The following TOMM34 variants were observed in gnomAD, a reference collection of about 807,000 sequenced individuals.
TOMM34 encodes mitochondrial import receptor subunit TOM34.
A neutral mutation model predicts 37.4 loss-of-function variants in TOMM34; 24 were observed. That is an observed-to-expected ratio of 0.64 (90% confidence interval 0.46 to 0.90). TOMM34 has a LOEUF of 0.90. TOMM34 is among the 40% of genes least tolerant of loss of function. The pLI is 0.00. For synonymous variants in TOMM34, 154 were observed against 148.9 expected (o/e 1.03, Z -0.25); for missense variants, 304 against 375.6 (o/e 0.81, Z 1.58).
chr20:44,954,520 A>G (rs773609706), intron 3 of TOMM34, among the ~76,000 whole-genome samples: 4 of 152,246 alleles, frequency 2.6e-5, no homozygotes, highest in Non-Finnish European at 4.4e-5. Flanking sequence ...CCGCACACGC[A>G]GAGGGGAAAC....
At chr20:44,957,451 G>A (rs2067083835) in intron 1 of TOMM34, among the ~76,000 whole-genome samples, 1 of 152,152 alleles carries the variant, frequency 6.6e-6, no homozygotes, top group Non-Finnish European at 1.5e-5. Context: ...TGGGATTACA[G>A]ACGTGAGCCA....
Position 44,960,376 on chromosome 20 carries a change from C to T in TOMM34, c.-43G>A, listed in dbSNP as rs971797674. 1.3e-6 allele frequency: 2 copies of T among 1,505,758 alleles called. No individual in the cohort carries two copies. The highest frequency in any genetic ancestry group is 1.8e-6 in the Non-Finnish European group (2 of 1,122,498). The allele number at this position is 1,505,758 out of a possible 1,614,324, so 93.3% of individuals were successfully genotyped here. A position where few individuals can be genotyped will look rare whatever the true frequency, so the allele number is the denominator to read the frequency against. On this transcript the variant is annotated 5_prime_UTR_variant, in exon 1 of 7. Transcript: ENST00000372813. ...GAGTTGGGAGCTCCTTCCTTCCTCCCCCGTGTGGTGCGGCACACCTTCCGG... is the reference window on the plus strand; with the variant it reads ...GAGTTGGGAGCTCCTTCCTTCCTCCTCCGTGTGGTGCGGCACACCTTCCGG...
intron 4 of TOMM34, among the ~76,000 whole-genome samples, chr20:44,950,606 A>C (rs920696314): frequency 1.3e-5 from 2 of 152,232 alleles, no homozygotes; most frequent in Admixed American, 1.3e-4. Context: ...TGGTAGGTGC[A>C]CTGATTGAAA....
chr20:44,952,677 C>A, intron 3 of TOMM34: 1 of 717,398 alleles, frequency 1.4e-6, no homozygotes. Context: ...AGACCAAGTT[C>A]ATTCTGTCAA....
At chr20:44,953,353 C>T (rs1421016971) in intron 3 of TOMM34, among the ~76,000 whole-genome samples, 1 of 152,182 alleles carries the variant, frequency 6.6e-6, no homozygotes, top group Non-Finnish European at 1.5e-5. Context: ...CTCCTTGGAA[C>T]ACCTGACACT....
Position 44,956,493 on chromosome 20 carries a change from G to C in TOMM34, c.128-8C>G. 6.2e-7 allele frequency: 1 copy of C among 1,614,048 alleles called. No homozygotes were observed. Among genetic ancestry groups the C allele is most frequent in the Non-Finnish European group, 8.5e-7 (1 of 1,179,960 alleles). On this transcript the variant is annotated splice_region_variant and splice_polypyrimidine_tract_variant and intron_variant, in intron 1 of 6. Coordinates refer to ENST00000372813, the MANE Select transcript of TOMM34 (RefSeq NM_006809.5). ...CTTCTGGGTCTGAAGAACCTGCCCA[G>C]ATAGAGTGGGGAAGATGATCAGTTT...
At chr20:44,958,086 ATATATG>A (rs1419432647) in intron 1 of TOMM34, among the ~76,000 whole-genome samples, 2 of 149,422 alleles carry the variant, frequency 1.3e-5, no homozygotes, top group African/African-American at 5.1e-5. Context: ...ATATATATGT[ATATATG>A]TATATGTATA....
chr20:44,955,947 A>T (rs368732197), intron 2 of TOMM34, among the ~76,000 whole-genome samples: 5 of 152,316 alleles, frequency 3.3e-5, no homozygotes. Flanking sequence ...GTCCTCTAAA[A>T]CTGGTCATTC....
At chr20:44,953,399 C>T (rs2067043292) in intron 3 of TOMM34, among the ~76,000 whole-genome samples, 4 of 152,204 alleles carry the variant, frequency 2.6e-5, no homozygotes, top group Admixed American at 2.6e-4. Context: ...TACTCCTTCC[C>T]TTGGGACATC....
chr20:44,954,725 G>C (rs994662055), intron 3 of TOMM34, among the ~76,000 whole-genome samples: 1 of 152,128 alleles, frequency 6.6e-6, no homozygotes, highest in East Asian at 1.9e-4. Flanking sequence ...TAGCGTTAGC[G>C]CTTTGAAGGT....
Position 44,960,280 on chromosome 20 carries a change from C to T in TOMM34, c.54G>A (p.Glu18=). 1.3e-6 allele frequency: 2 copies of T among 1,581,932 alleles called. No homozygotes were observed. Among genetic ancestry groups the T allele is most frequent in the Non-Finnish European group, 8.6e-7 (1 of 1,164,860 alleles). Residue 18 remains glutamate (E), a synonymous_variant, in exon 1 of 7, where the codon GAG becomes GAA. Coordinates refer to ENST00000372813, the MANE Select transcript of TOMM34 (RefSeq NM_006809.5). ...CGGCGTACTGGCCGTTGCGGAAACT[C>T]TCATTGCCGGCGGCGCGGAGCTCCT... ...SVEELRAAGN[E]SFRNGQYAEA...
At chr20:44,951,491 G>A (rs2067025831) in intron 4 of TOMM34, among the ~76,000 whole-genome samples, 1 of 152,240 alleles carries the variant, frequency 6.6e-6, no homozygotes, top group African/African-American at 2.4e-5. Flanking sequence ...TTACCATGTT[G>A]AGCTTTCTGT....
chr20:44,945,136 T>C (rs1301610009), intron 5 of TOMM34, among the ~76,000 whole-genome samples: 5 of 152,224 alleles, frequency 3.3e-5, no homozygotes. Flanking sequence ...ACACCTCTTA[T>C]TAAATAATCT....
In TOMM34 at chr20:44,960,284, T is replaced by C. The variant is rs747029403; in HGVS notation, c.50A>G (p.Asn17Ser). 5.7e-6 allele frequency: 9 copies of C among 1,582,896 alleles called. No individual in the cohort carries two copies. Among genetic ancestry groups the C allele is most frequent in the Admixed American group, 3.5e-5 (2 of 56,592 alleles). The part of the protein sequence containing the change: ...DSVEELRAAG[N>S]ESFRNGQYAE... ...GTACTGGCCGTTGCGGAAACTCTCA[T>C]TGCCGGCGGCGCGGAGCTCCTCCAC... The change falls in exon 1 of 7, where the codon AAT (asparagine) becomes AGT (serine). Residue 17 changes from asparagine to serine, a missense_variant. Physicochemically the swap from Asn to Ser is conservative, Grantham distance 46. Transcript: ENST00000372813.
In TOMM34 at chr20:44,955,085, G is replaced by A. The variant is rs200890972; in HGVS notation, c.363C>T (p.Ala121=). The change falls in exon 3 of 7, where the codon GCC becomes GCT. Residue 121 remains alanine (A), a synonymous_variant. Transcript: ENST00000372813. ...GAGCTCACCTGTTGATGCCTTCTACGGCTGACGTCACATTATCATCAATCT... is the reference window on the plus strand; with the variant it reads ...GAGCTCACCTGTTGATGCCTTCTACAGCTGACGTCACATTATCATCAATCT... The part of the protein sequence containing the change: ...VLQIDDNVTS[A]VEGINRMTRA... 8.7e-6 allele frequency: 14 copies of A among 1,614,124 alleles called. No individual in the cohort carries two copies. The highest frequency in any genetic ancestry group is 5.3e-5 in the African/African-American group (4 of 75,032).
In TOMM34 at chr20:44,943,160, C is replaced by T. The variant is rs746798476; in HGVS notation, c.879G>A (p.Arg293=). 1.7e-5 allele frequency: 27 copies of T among 1,614,038 alleles called. No individual in the cohort carries two copies. The highest frequency in any genetic ancestry group is 2.1e-5 in the Non-Finnish European group (25 of 1,180,040). Residue 293 remains arginine (R), a synonymous_variant, in exon 7 of 7, where the codon AGG becomes AGA. Coordinates refer to ENST00000372813, the MANE Select transcript of TOMM34 (RefSeq NM_006809.5). ...DISNLLQIEP[R]NGPAQKLRQE... ...GCCGCAACTTCTGTGCAGGACCATT[C>T]CTAGGCTCAATCTGTAGGAGGTTGC... is the stretch of plus-strand genomic sequence containing the variant.
intron 4 of TOMM34, among the ~76,000 whole-genome samples, chr20:44,950,470 C>T (rs139429621): frequency 6.6e-6 from 1 of 152,170 alleles, no homozygotes; most frequent in African/African-American, 2.4e-5. Flanking sequence ...AGGGAGAGTT[C>T]CCTGAGGGCC....
chr20:44,959,620 G>C (rs543919450), intron 1 of TOMM34, among the ~76,000 whole-genome samples: 10 of 152,178 alleles, frequency 6.6e-5, no homozygotes, highest in Admixed American at 4.6e-4. Flanking sequence ...CGTCTTGGAG[G>C]GGGGGCCTTT....
rs368500690 is a variant in TOMM34 at position 44,960,350 on chromosome 20, C to A, written c.-17G>T. ...GGGGGCCATCCCGTGGCCAGGCCGG[C>A]GAGTTGGGAGCTCCTTCCTTCCTCC... On this transcript the variant is annotated 5_prime_UTR_variant, in exon 1 of 7. Coordinates refer to ENST00000372813, the MANE Select transcript of TOMM34 (RefSeq NM_006809.5). The A allele has an allele frequency of 2.6e-6, 4 of 1,550,262 alleles. No homozygotes were observed. The African/African-American group carries it at 5.6e-5, about 22-fold the overall frequency.
Sources: allele counts gnomAD v4.1 joint callset (sites outside exome capture counted in the v4.1 genomes callset), GRCh38; gene constraint gnomAD v4.1.1; transcripts MANE v1.5; gene names NCBI Gene and HGNC (gene_info 2026-07-23, HGNC 2026-07-21).